Variants in ASPH observed in about 807,000 individuals in gnomAD.
ASPH encodes the protein aspartyl/asparaginyl beta-hydroxylase.
Under a neutral mutation model 118.4 loss-of-function variants are expected in ASPH, and 100 were observed. That is an observed-to-expected ratio of 0.84 (90% CI 0.72 to 1.00). The LOEUF (loss-of-function observed/expected upper bound fraction) is 1.00. ASPH is among the 50% of genes least tolerant of loss of function. The pLI is 0.00. For synonymous variants in ASPH, 315 were observed against 325.6 expected, an observed-to-expected ratio of 0.97 and a Z score of 0.35; for missense variants, 920 against 919.5, an observed-to-expected ratio of 1.00 and a Z score of -0.01.
At chr8:61,680,911 A>G (rs928700734) in intron 3 of ASPH, 57 bp downstream of exon 3, 3 of 1,449,504 alleles carry the variant, frequency 2.1e-6, no homozygotes, top group Non-Finnish European at 2.8e-6. Flanking sequence ...TTAAAGCAAA[A>G]ATAATTGTTT....
chr8:61,608,069 T>C (rs1846132211), intron 14 of ASPH, among the ~76,000 whole-genome samples: 1 of 152,172 alleles, frequency 6.6e-6, no homozygotes, highest in African/African-American at 2.4e-5. Context: ...TTTGCAGCAC[T>C]GGGAAAGGCT....
At position 61,714,323 on chromosome 8, in the gene ASPH, C is replaced by CGCT. The variant is rs961153510; in HGVS notation, c.46_48dup (p.Ser16dup). The CGCT allele has an allele frequency of 8.8e-5, 134 of 1,519,438 alleles. No individual in the cohort carries two copies. Among genetic ancestry groups the CGCT allele is most frequent in the Non-Finnish European group, 1.1e-4 (124 of 1,134,452 alleles). The allele number at this position is 1,519,438 out of a possible 1,614,324, so 94.1% of individuals were successfully genotyped here. ...GCACTCGTGCTACCGCTGCCGGAGC[C>CGCT]GCTGCTGCTGCTGTTGCCGCTGCTC... On this transcript the variant is annotated inframe_insertion, in exon 1 of 25. Coordinates refer to ENST00000379454, the MANE Select transcript of ASPH (RefSeq NM_004318.4).
intron 8 of ASPH, 88 bp downstream of exon 8, chr8:61,643,857 G>A: frequency 2.0e-6 from 2 of 987,838 alleles, no homozygotes; most frequent in South Asian, 1.4e-5. Context: ...TCTCTGTGTT[G>A]AATCACAATT....
chr8:61,589,858 TA>T (rs1330999461), intron 14 of ASPH, among the ~76,000 whole-genome samples: 3 of 152,170 alleles, frequency 2.0e-5, no homozygotes, highest in African/African-American at 7.2e-5. Context: ...GTTAGAGGAA[TA>T]TGTGCAATTA....
intron 14 of ASPH, among the ~76,000 whole-genome samples, chr8:61,614,467 T>C (rs1466067146): frequency 1.3e-5 from 2 of 152,198 alleles, no homozygotes; most frequent in Non-Finnish European, 2.9e-5. Flanking sequence ...TTTGTCAAAG[T>C]ACAGCTTTTA....
intron 1 of ASPH, among the ~76,000 whole-genome samples, chr8:61,702,280 CTTTTTTTTTTTTT>C (rs71257379): frequency 0.17 from 20,703 of 123,622 alleles, 1,538 homozygotes; most frequent in African/African-American, 0.2. Flanking sequence ...ATAGCTACTT[CTTTTTTTTTTTTT>C]TTTTTTTTTT....
At chr8:61,633,844 G>T in intron 12 of ASPH, 117 bp from the exon 13 acceptor site, 1 of 691,244 alleles carries the variant, frequency 1.4e-6, no homozygotes, top group Non-Finnish European at 2.3e-6. Context: ...CAATTCAATT[G>T]AAATTTTAAT....
intron 1 of ASPH, chr8:61,689,522 G>T: frequency 1.5e-6 from 1 of 669,882 alleles, no homozygotes; most frequent in Non-Finnish European, 2.5e-6. Context: ...ACTATGAAAA[G>T]TCAGTATCTC....
intron 1 of ASPH, among the ~76,000 whole-genome samples, chr8:61,699,466 C>T (rs928667138): frequency 2.0e-5 from 3 of 152,034 alleles, no homozygotes; most frequent in Non-Finnish European, 4.4e-5. Context: ...TTTCATGGGC[C>T]TCAGTAAAAT....
intron 1 of ASPH, chr8:61,684,813 T>C (rs1340389834): frequency 6.6e-6 from 1 of 152,192 alleles, no homozygotes; most frequent in African/African-American, 2.4e-5. Context: ...TTTGATATGC[T>C]TAATATACCT....
chr8:61,670,991 G>GC (rs761006989), intron 3 of ASPH, among the ~76,000 whole-genome samples: 139 of 152,198 alleles, frequency 9.1e-4, no homozygotes, highest in Non-Finnish European at 5.0e-4. Flanking sequence ...GGAGCAGCAT[G>GC]CCCCCGACAG....
chr8:61,578,439 A>G (rs545635033), intron 15 of ASPH: 7 of 1,601,940 alleles, frequency 4.4e-6, no homozygotes, highest in Non-Finnish European at 6.0e-6. Flanking sequence ...GAGCCTACTG[A>G]GCCCCCTTGT....
In ASPH at chr8:61,578,297, G is replaced by A. The variant is rs112529737; in HGVS notation, c.1063-1439C>T. ...GGGCCTTCAGCAGCCGCTCCTACAC[G>A]AGTGGGCCCGGTGCCCACATCAGCT... On this transcript the variant is annotated intron_variant, in intron 15 of 24. Coordinates refer to ENST00000379454, the MANE Select transcript of ASPH (RefSeq NM_004318.4). 340 of 1,595,614 alleles carry A rather than the reference G, an allele frequency of 2.1e-4. 5 individuals carry two copies. Among genetic ancestry groups the A allele is most frequent in the Admixed American group, 7.3e-4 (43 of 58,620 alleles).
chr8:61,677,095 C>T (rs1363150699), intron 3 of ASPH, among the ~76,000 whole-genome samples: 1 of 152,030 alleles, frequency 6.6e-6, no homozygotes, highest in Admixed American at 6.6e-5. Context: ...GTGATCAAGG[C>T]CTTAGCTGGT....
At chr8:61,600,594 TGAAAA>T (rs1563970473) in intron 14 of ASPH, among the ~76,000 whole-genome samples, 2 of 150,740 alleles carry the variant, frequency 1.3e-5, no homozygotes, top group African/African-American at 5.0e-5. Context: ...GCAAACAAGC[TGAAAA>T]GAAATCAAGA....
chr8:61,682,300 A>T, intron 2 of ASPH: 1 of 802,640 alleles, frequency 1.2e-6, no homozygotes, highest in Non-Finnish European at 2.0e-6. Context: ...AGAAAATACT[A>T]CCCTTTCTGA....
chr8:61,656,135 T>C (rs1485241624), intron 3 of ASPH: 1 of 152,176 alleles, frequency 6.6e-6, no homozygotes, highest in African/African-American at 2.4e-5. Flanking sequence ...AGGAAAGGTT[T>C]TCAAAAATGG....
intron 3 of ASPH, chr8:61,668,092 T>A: frequency 1.4e-6 from 1 of 704,756 alleles, no homozygotes. Flanking sequence ...TAAAACTACT[T>A]ATAACCTAAG....
intron 16 of ASPH, among the ~76,000 whole-genome samples, chr8:61,575,445 C>T (rs999375595): frequency 6.6e-6 from 1 of 152,108 alleles, no homozygotes; most frequent in Non-Finnish European, 1.5e-5. Flanking sequence ...TAGCACTTAG[C>T]CCTAGAAAGC....
Sources: gnomAD v4.1 joint callset for allele counts (sites outside exome capture counted in the v4.1 genomes callset) on GRCh38, gnomAD v4.1.1 for gene constraint, MANE v1.5 for transcripts, NCBI Gene and HGNC (gene_info 2026-07-23, HGNC 2026-07-21) for gene names.